Variants in CCND2 observed in about 807,000 individuals in gnomAD.
CCND2 encodes cyclin D2.
Under a neutral mutation model 30.2 loss-of-function variants are expected in CCND2, and 6 were observed. The observed-to-expected ratio is 0.20, with a 90% CI of 0.11 to 0.39. The LOEUF (loss-of-function observed/expected upper bound fraction) is 0.39. Among genes scored for constraint, CCND2 ranks in the 10% least tolerant of loss-of-function variants. The pLI, the probability that CCND2 is intolerant of heterozygous loss-of-function variation, is 1.00. For missense variants in CCND2, 235 were observed against 373.4 expected (o/e 0.63, Z 3.06); for synonymous variants, 150 against 153.1 (o/e 0.98, Z 0.15).
Position 4,282,528 on chromosome 12 carries a change from A to T in CCND2, c.571+3609A>T, listed in dbSNP as rs1304876828. Among the ~76,000 whole-genome samples the T allele has an allele frequency of 6.6e-6, 1 of 152,150 alleles. No homozygotes were observed. Among genetic ancestry groups the T allele is most frequent in the African/African-American group, 2.4e-5 (1 of 41,432 alleles). On this transcript the variant is annotated intron_variant, in intron 3 of 4. Coordinates refer to ENST00000261254, the MANE Select transcript of CCND2 (RefSeq NM_001759.4). This position sits in a 1 kb window ranked among gnomAD's most constrained non-coding sequence, Gnocchi z 4.3. ...ATCTAGAGTGGGAGATTTCGCCTTG[A>T]TGGGTGCTGGGAAGGAAGAATGGAA...
At position 4,285,023 on chromosome 12, in the gene CCND2, C is replaced by T. The variant is rs1353930643; in HGVS notation, c.572-3819C>T. Among the ~76,000 whole-genome samples the T allele has an allele frequency of 6.6e-6, 1 of 152,142 alleles. No individual in the cohort carries two copies. Among genetic ancestry groups the T allele is most frequent in the East Asian group, 1.9e-4 (1 of 5,196 alleles). On this transcript the variant is annotated intron_variant, in intron 3 of 4. Transcript: ENST00000261254. The surrounding 1 kb of genome is among the most constrained non-coding windows in gnomAD (Gnocchi z 4.1). ...AGTGCTAGGATTACACTGTGAGCCACTGCGCCCAGCCTTCAAGAGCCCCCT... is the reference window on the plus strand; with the variant it reads ...AGTGCTAGGATTACACTGTGAGCCATTGCGCCCAGCCTTCAAGAGCCCCCT...
At chr12:4,275,229 C>G (rs1863851741) in intron 1 of CCND2, 1 of 152,182 alleles carries the variant, frequency 6.6e-6, no homozygotes, top group African/African-American at 2.4e-5. Context: ...CCGGACACTC[C>G]CGCCGCGGCG....
At chr12:4,298,210 C>G (rs1227385259) in intron 4 of CCND2, among the ~76,000 whole-genome samples, 1 of 152,170 alleles carries the variant, frequency 6.6e-6, no homozygotes, top group African/African-American at 2.4e-5. Context: ...AGTGGGTGGG[C>G]AGCAGATACC....
chr12:4,276,041 C>T lies in CCND2; in HGVS notation c.232C>T (p.Pro78Ser). 1.9e-6 allele frequency: 3 copies of T among 1,613,444 alleles called. No individual in the cohort carries two copies. Among genetic ancestry groups the T allele is most frequent in the Non-Finnish European group, 2.5e-6 (3 of 1,179,804 alleles). Residue 78 changes from proline (P) to serine (S), a missense_variant, in exon 2 of 5, where the codon CCT (proline) becomes TCT (serine). By Grantham distance (74) the Pro-to-Ser change is moderately conservative. This residue lies in a region of CCND2 where 178 missense variants were observed against 322.8 expected (regional missense o/e 0.55). Transcript: ENST00000261254. The surrounding 1 kb of genome is among the most constrained non-coding windows in gnomAD (Gnocchi z 4.8). ...EEQKCEEEVF[P>S]LAMNYLDRFL... ...ACAGAAGTGCGAAGAAGAGGTCTTC[C>T]CTCTGGCCATGAATTACCTGGACCG...
In CCND2 at chr12:4,280,123, C is replaced by T. The variant is rs1033621332; in HGVS notation, c.571+1204C>T. On this transcript the variant is annotated intron_variant, in intron 3 of 4. Coordinates refer to ENST00000261254, the MANE Select transcript of CCND2 (RefSeq NM_001759.4). Reference sequence around the variant, plus strand: ...ACAAGCCTATTGATACATCATCCTACAGCCTTTTCAGAGCAGCTAGGAAAA... The same window carrying T: ...ACAAGCCTATTGATACATCATCCTATAGCCTTTTCAGAGCAGCTAGGAAAA... Among the ~76,000 whole-genome samples the T allele has an allele frequency of 1.5e-4, 21 of 144,212 alleles. 1 individual carries two copies. Among genetic ancestry groups the T allele is most frequent in the Non-Finnish European group, 2.6e-4 (17 of 64,662 alleles). 94.6% of individuals were successfully genotyped at this position (144,212 alleles called of 152,430 possible).
chr12:4,274,265 C>T lies in CCND2; in HGVS notation c.195+30C>T, dbSNP rs764578479. The stretch of plus-strand genomic sequence containing the variant: ...GTCGGGGGGTGGCGCTCGCCAGGAG[C>T]CAGGACCCCTCCGGATGCTCGGGTC... On this transcript the variant is annotated intron_variant, in intron 1 of 4. Coordinates refer to ENST00000261254, the MANE Select transcript of CCND2 (RefSeq NM_001759.4). The surrounding 1 kb of genome is among the most constrained non-coding windows in gnomAD (Gnocchi z 7.7). 2.1e-5 allele frequency: 34 copies of T among 1,607,476 alleles called. No homozygotes were observed. Among genetic ancestry groups the T allele is most frequent in the Non-Finnish European group, 2.8e-5 (33 of 1,175,490 alleles).
chr12:4,283,696 T>C (rs2120546309), intron 3 of CCND2, among the ~76,000 whole-genome samples: 1 of 152,288 alleles, frequency 6.6e-6, no homozygotes, highest in Admixed American at 6.5e-5. Context: ...TCCCCTAAGG[T>C]GTGTCCTTTG....
rs1349978514 is a variant in CCND2 at position 4,303,797 on chromosome 12, G to T, written c.*3788G>T. On this transcript the variant is annotated 3_prime_UTR_variant, in exon 5 of 5. Coordinates refer to ENST00000261254, the MANE Select transcript of CCND2 (RefSeq NM_001759.4). This position sits in a 1 kb window ranked among gnomAD's most constrained non-coding sequence, Gnocchi z 4.6. ...GAGGCCTTATTTTGAACTGCCTCAG[G>T]ACCCCACTGGAGAGCACAGCATGCC... 4.3e-6 allele frequency: 1 copy of T among 233,248 alleles called. No homozygotes were observed. Among genetic ancestry groups the T allele is most frequent in the Non-Finnish European group, 8.5e-6 (1 of 118,100 alleles). 14.4% of individuals were successfully genotyped at this position (233,248 alleles called of 1,614,324 possible). A position where few individuals can be genotyped will look rare whatever the true frequency, so the allele number is the denominator to read the frequency against.
chr12:4,291,207 C>CTGTGTGTGTGTGTGTA (rs1864096112), intron 4 of CCND2, among the ~76,000 whole-genome samples: 1 of 138,716 alleles, frequency 7.2e-6, no homozygotes. Flanking sequence ...CTGGGCTAGG[C>CTGTGTGTGTGTGTGTA]TGTGTGTGTG....
chr12:4,281,161 C>T (rs3217819), intron 3 of CCND2, among the ~76,000 whole-genome samples: 9,254 of 152,262 alleles, frequency 0.061, 617 homozygotes, highest in East Asian at 0.25. Flanking sequence ...CACTAAGCCT[C>T]AGGCGTTGAC....
At chr12:4,289,427 C>T (rs577069002) in intron 4 of CCND2, among the ~76,000 whole-genome samples, 5 of 152,312 alleles carry the variant, frequency 3.3e-5, no homozygotes, top group African/African-American at 9.6e-5. Flanking sequence ...GGAGCAGACA[C>T]ACAAGAGGTG....
In CCND2 at chr12:4,303,337, G is replaced by T; in HGVS notation, c.*3328G>T. The T allele has an allele frequency of 4.3e-6, 1 of 233,296 alleles. No individual in the cohort carries two copies. Among genetic ancestry groups the T allele is most frequent in the Non-Finnish European group, 8.5e-6 (1 of 118,078 alleles). The allele number at this position is 233,296 out of a possible 1,614,324, so 14.5% of individuals were successfully genotyped here. A position where few individuals can be genotyped will look rare whatever the true frequency, so the allele number is the denominator to read the frequency against. On this transcript the variant is annotated 3_prime_UTR_variant, in exon 5 of 5. Coordinates refer to ENST00000261254, the MANE Select transcript of CCND2 (RefSeq NM_001759.4). The surrounding 1 kb of genome is among the most constrained non-coding windows in gnomAD (Gnocchi z 4.6). ...AATCCTGGATTTTGCCCTCTCCTTA[G>T]CTCTTAGTCTCTTTGGTAGGAGTTT...
In CCND2 at chr12:4,278,852, C is replaced by G. The variant is rs201241721; in HGVS notation, c.504C>G (p.Pro168=). The stretch of plus-strand genomic sequence containing the variant: ...TTGAGCACATCTTGCGCAAGCTGCC[C>G]CAGCAGCGGGAGAAGCTGTCTCTGA... ...DFIEHILRKL[P]QQREKLSLIR... Residue 168 remains proline (P), a synonymous_variant, in exon 3 of 5, where the codon CCC becomes CCG. Transcript: ENST00000261254. The G allele has an allele frequency of 1.1e-5, 17 of 1,614,070 alleles. No homozygotes were observed. The highest frequency in any genetic ancestry group is 1.6e-4 in the Middle Eastern group (1 of 6,084).
In CCND2 at chr12:4,299,681, A is replaced by ACC. The variant is rs1864221078; in HGVS notation, c.721-176_721-175dup. 6.6e-6 allele frequency among the ~76,000 whole-genome samples: 1 copy of ACC among 152,064 alleles called. No individual in the cohort carries two copies. Among genetic ancestry groups the ACC allele is most frequent in the Non-Finnish European group, 1.5e-5 (1 of 68,010 alleles). On this transcript the variant is annotated intron_variant, in intron 4 of 4. Coordinates refer to ENST00000261254, the MANE Select transcript of CCND2 (RefSeq NM_001759.4). The surrounding 1 kb of genome is among the most constrained non-coding windows in gnomAD (Gnocchi z 5.2). The stretch of plus-strand genomic sequence containing the variant: ...TGATGCTGATGCTGCCAGCCCATGG[A>ACC]CCCCACCTGGAGTAGTGAGGTTCCT...
At chr12:4,297,310 GC>G (rs1303964982) in intron 4 of CCND2, among the ~76,000 whole-genome samples, 1 of 152,126 alleles carries the variant, frequency 6.6e-6, no homozygotes, top group Non-Finnish European at 1.5e-5. Context: ...AGTGGCTTAT[GC>G]CTGTAATCCC....
In CCND2 at chr12:4,293,704, C is replaced by T. The variant is rs1402479173; in HGVS notation, c.720+4714C>T. Among the ~76,000 whole-genome samples the T allele has an allele frequency of 8.5e-5, 13 of 152,108 alleles. No individual in the cohort carries two copies. Among genetic ancestry groups the T allele is most frequent in the African/African-American group, 2.9e-4 (12 of 41,408 alleles). The stretch of plus-strand genomic sequence containing the variant: ...GGCGCCGTGGAAGAAGTCTCAGTTT[C>T]GACCACATGTGTGTGATTCATGGGG... On this transcript the variant is annotated intron_variant, in intron 4 of 4. Transcript: ENST00000261254. This position sits in a 1 kb window ranked among gnomAD's most constrained non-coding sequence, Gnocchi z 4.9.
Position 4,274,048 on chromosome 12 carries a change from T to C in CCND2, c.8T>C (p.Leu3Pro). ME[L>P]LCHEVDPVRR... is the part of the protein sequence containing the mutation. ...GGGGCCGCCGGGCTGGCCATGGAGC[T>C]GCTGTGCCACGAGGTGGACCCGGTC... Residue 3 changes from leucine to proline, a missense_variant, in exon 1 of 5, where the codon CTG becomes CCG. This residue lies in a region of CCND2 where 178 missense variants were observed against 322.8 expected (regional missense o/e 0.55). Coordinates refer to ENST00000261254, the MANE Select transcript of CCND2 (RefSeq NM_001759.4). This position sits in a 1 kb window ranked among gnomAD's most constrained non-coding sequence, Gnocchi z 7.7. The C allele has an allele frequency of 6.2e-7, 1 of 1,611,512 alleles. No homozygotes were observed. The highest frequency in any genetic ancestry group is 2.2e-5 in the East Asian group (1 of 44,816).
At position 4,282,139 on chromosome 12, in the gene CCND2, G is replaced by C. The variant is rs1173631671; in HGVS notation, c.571+3220G>C. On this transcript the variant is annotated intron_variant, in intron 3 of 4. Coordinates refer to ENST00000261254, the MANE Select transcript of CCND2 (RefSeq NM_001759.4). The surrounding 1 kb of genome is among the most constrained non-coding windows in gnomAD (Gnocchi z 4.3). Reference sequence around the variant, plus strand: ...ACCTGGGTTCGCACTCTGGCACTGGGAGATTGTTGAGATGTGATACCATGC... The same window carrying C: ...ACCTGGGTTCGCACTCTGGCACTGGCAGATTGTTGAGATGTGATACCATGC... 6.6e-6 allele frequency among the ~76,000 whole-genome samples: 1 copy of C among 152,174 alleles called. No individual in the cohort carries two copies. Among genetic ancestry groups the C allele is most frequent in the African/African-American group, 2.4e-5 (1 of 41,438 alleles).
At chr12:4,290,683 T>C (rs1313283608) in intron 4 of CCND2, among the ~76,000 whole-genome samples, 3 of 150,734 alleles carry the variant, frequency 2.0e-5, no homozygotes, top group Non-Finnish European at 4.4e-5. Context: ...TTTTCCCACC[T>C]CCCTTTGTCC....
Sources: gnomAD v4.1 joint callset for allele counts (sites outside exome capture counted in the v4.1 genomes callset) on GRCh38, gnomAD v4.1.1 for gene constraint, gnomAD v4.1.1 regional missense constraint, Gnocchi (gnomAD v3.1) non-coding constraint, MANE v1.5 for transcripts, NCBI Gene and HGNC (gene_info 2026-07-23, HGNC 2026-07-21) for gene names.